RAB2A: variants seen among roughly 807,000 people sequenced by gnomAD.
RAB2A encodes the protein ras-related protein Rab-2A.
Under a neutral mutation model 32.5 loss-of-function variants are expected in RAB2A, and 7 were observed. The observed-to-expected ratio is 0.22, with a 90% confidence interval of 0.12 to 0.40. RAB2A has a LOEUF of 0.40. Among genes scored for constraint, RAB2A ranks in the 10% least tolerant of loss-of-function variants. The probability of loss-of-function intolerance (pLI) is 1.00; values close to 1 mark genes in which losing one functional copy is unlikely to be tolerated. For missense variants in RAB2A, 108 were observed against 260.7 expected (o/e 0.41, Z 4.03); for synonymous variants, 79 against 85.2 (o/e 0.93, Z 0.40).
chr8:60,565,774 C>T (rs1366942676), intron 2 of RAB2A, among the ~76,000 whole-genome samples: 2 of 127,712 alleles, frequency 1.6e-5, no homozygotes, highest in Non-Finnish European at 3.3e-5. Context: ...ACAGTGGTGC[C>T]ATCTTGGCTC....
At chr8:60,575,010 A>G (rs531027765) in intron 3 of RAB2A, among the ~76,000 whole-genome samples, 1 of 151,932 alleles carries the variant, frequency 6.6e-6, no homozygotes, top group Admixed American at 6.6e-5. Flanking sequence ...ACTGTTTAAA[A>G]TAGTTTAACT....
intron 2 of RAB2A, among the ~76,000 whole-genome samples, chr8:60,564,315 T>TA (rs1362384969): frequency 6.6e-6 from 1 of 152,220 alleles, no homozygotes; most frequent in African/African-American, 2.4e-5. Context: ...TGGGTAAACT[T>TA]AAGTTCTTAG....
intron 2 of RAB2A, among the ~76,000 whole-genome samples, chr8:60,566,074 ATGT>A (rs1464786387): frequency 2.0e-5 from 3 of 152,212 alleles, no homozygotes; most frequent in African/African-American, 2.4e-5. Flanking sequence ...CATTGTGAAA[ATGT>A]TGTAAAAATC....
At chr8:60,530,170 A>G (rs1807454598) in intron 1 of RAB2A, among the ~76,000 whole-genome samples, 2 of 136,210 alleles carry the variant, frequency 1.5e-5, no homozygotes, top group Admixed American at 1.6e-4. Context: ...TTTGAGAGAG[A>G]GAGAGTCTCG....
In RAB2A at chr8:60,558,853, T is replaced by C. The variant is rs138440036; in HGVS notation, c.48T>C (p.Gly16=). The C allele has an allele frequency of 1.2e-4, 189 of 1,610,192 alleles. No homozygotes were observed. Among genetic ancestry groups the C allele is most frequent in the Non-Finnish European group, 1.6e-4 (186 of 1,176,848 alleles). ...LFKYIIIGDT[G]VGKSCLLLQF... ...TATTTATTTTTTTTTAACTTTCAGG[T>C]GTTGGTAAATCATGCTTATTGCTAC... The change falls in exon 2 of 8, where the codon GGT becomes GGC. Residue 16 remains glycine (G), a splice_region_variant and synonymous_variant. Coordinates refer to ENST00000262646, the MANE Select transcript of RAB2A (RefSeq NM_002865.3).
At chr8:60,608,285 T>G (rs1804270061) in intron 6 of RAB2A, among the ~76,000 whole-genome samples, 2 of 152,284 alleles carry the variant, frequency 1.3e-5, no homozygotes, top group South Asian at 2.1e-4. Flanking sequence ...GATGACTGTA[T>G]AGGCGCCCAA....
chr8:60,572,919 T>C (rs1163915848), intron 3 of RAB2A, among the ~76,000 whole-genome samples: 1 of 152,240 alleles, frequency 6.6e-6, no homozygotes, highest in African/African-American at 2.4e-5. Context: ...ATAATTGTAA[T>C]GGACACTGTA....
intron 6 of RAB2A, among the ~76,000 whole-genome samples, chr8:60,617,917 T>C (rs1804473880): frequency 6.6e-6 from 1 of 152,214 alleles, no homozygotes; most frequent in African/African-American, 2.4e-5. Context: ...AGTAATCTAC[T>C]TTCTGTCTCC....
chr8:60,576,339 T>C lies in RAB2A; in HGVS notation c.186+4226T>C, dbSNP rs770360462. 8.7e-5 allele frequency: 39 copies of C among 450,342 alleles called. 1 individual carries two copies. The highest frequency in any genetic ancestry group is 1.6e-4 in the Non-Finnish European group (36 of 224,884). 27.9% of individuals were successfully genotyped at this position (450,342 alleles called of 1,614,324 possible). On this transcript the variant is annotated intron_variant, in intron 3 of 7. Coordinates refer to ENST00000262646, the MANE Select transcript of RAB2A (RefSeq NM_002865.3). ...AGACCCTGGCCAGCCATTACTGCCT[T>C]GTTCTGCTCTTGTTCTTTTTCTCTT...
intron 1 of RAB2A, among the ~76,000 whole-genome samples, chr8:60,534,154 A>G (rs1399002828): frequency 6.6e-6 from 1 of 152,226 alleles, no homozygotes; most frequent in Non-Finnish European, 1.5e-5. Context: ...GTACTTTCTA[A>G]CTGGAGTGAA....
rs1328541490 is a variant in RAB2A at position 60,605,832 on chromosome 8, C to CATATATATATATATATATATATATAT, written c.475-12741_475-12740insTATATATATATATATATATATATATA. Among the ~76,000 whole-genome samples, 383 of 120,654 alleles carry CATATATATATATATATATATATATAT rather than the reference C, an allele frequency of 3.2e-3. 38 individuals are homozygous for CATATATATATATATATATATATATAT. Among genetic ancestry groups the CATATATATATATATATATATATATAT allele is most frequent in the African/African-American group, 0.013 (337 of 25,978 alleles). 79.2% of individuals were successfully genotyped at this position (120,654 alleles called of 152,430 possible). On this transcript the variant is annotated intron_variant, in intron 6 of 7. Coordinates refer to ENST00000262646, the MANE Select transcript of RAB2A (RefSeq NM_002865.3). ...GGCTCATAGGCAAAAGGGACTAATA[C>CATATATATATATATATATATATATAT]ATATATACATATATATATATAATGC...
chr8:60,547,137 G>A (rs1424034495), intron 1 of RAB2A, among the ~76,000 whole-genome samples: 3 of 151,528 alleles, frequency 2.0e-5, no homozygotes, highest in African/African-American at 7.3e-5. Context: ...GTTTAACAAA[G>A]CACATCTTGC....
intron 1 of RAB2A, among the ~76,000 whole-genome samples, chr8:60,547,165 C>T (rs1807743312): frequency 6.6e-6 from 1 of 151,932 alleles, no homozygotes; most frequent in South Asian, 2.1e-4. Context: ...TTAATCCATT[C>T]AACCCTGAGT....
At chr8:60,587,183 C>T (rs761875621) in intron 5 of RAB2A, among the ~76,000 whole-genome samples, 11 of 151,722 alleles carry the variant, frequency 7.3e-5, no homozygotes, top group South Asian at 2.1e-4. Context: ...TCAGTAGAGC[C>T]GAATAAGAAG....
chr8:60,529,450 C>T (rs933579126), intron 1 of RAB2A, among the ~76,000 whole-genome samples: 1 of 152,180 alleles, frequency 6.6e-6, no homozygotes, highest in Non-Finnish European at 1.5e-5. Flanking sequence ...TTTCTCCCCT[C>T]CCCGCGTGAA....
intron 6 of RAB2A, among the ~76,000 whole-genome samples, chr8:60,613,776 A>G (rs561103073): frequency 2.6e-5 from 4 of 152,364 alleles, no homozygotes; most frequent in South Asian, 2.1e-4. Flanking sequence ...GTAAATCAGT[A>G]TAGTGACTGT....
At chr8:60,567,728 A>T (rs575951809) in intron 2 of RAB2A, among the ~76,000 whole-genome samples, 2 of 140,488 alleles carry the variant, frequency 1.4e-5, no homozygotes, top group African/African-American at 6.2e-5. Flanking sequence ...TTAAGTTTGG[A>T]GATTGTATAG....
intron 1 of RAB2A, among the ~76,000 whole-genome samples, chr8:60,555,710 G>A (rs562920073): frequency 3.3e-5 from 5 of 152,274 alleles, no homozygotes; most frequent in African/African-American, 1.2e-4. Context: ...AAAAGAACAT[G>A]CTGGTGAGGA....
Position 60,584,206 on chromosome 8 carries a change from A to G in RAB2A, c.187-2A>G. ...ACTCTCCAACCTTTTTTTTCGTTAC[A>G]GGCAGGGCAAGAATCCTTTCGTTCC... On this transcript the variant is annotated splice_acceptor_variant, in intron 3 of 7. Coordinates refer to ENST00000262646, the MANE Select transcript of RAB2A (RefSeq NM_002865.3). LOFTEE classifies it high-confidence loss of function. The G allele has an allele frequency of 6.3e-7, 1 of 1,596,602 alleles. No homozygotes were observed. The highest frequency in any genetic ancestry group is 8.6e-7 in the Non-Finnish European group (1 of 1,164,280).
Sources: allele counts gnomAD v4.1 joint callset (sites outside exome capture counted in the v4.1 genomes callset), GRCh38; gene constraint gnomAD v4.1.1; transcripts MANE v1.5; gene names NCBI Gene and HGNC (gene_info 2026-07-23, HGNC 2026-07-21).